The following TRPM3 variants were observed in gnomAD, a reference collection of about 807,000 sequenced individuals.
TRPM3 encodes transient receptor potential cation channel subfamily M member 3.
TRPM3 carries 77 observed loss-of-function variants against 181.2 expected under a neutral mutation model. The observed-to-expected ratio is 0.42, with a 90% CI of 0.35 to 0.51. The LOEUF (loss-of-function observed/expected upper bound fraction) is 0.51, where lower values mean the gene tolerates loss of function less well. Among genes scored for constraint, TRPM3 ranks in the 20% least tolerant of loss-of-function variants. The pLI is 0.01. For synonymous variants in TRPM3, 745 were observed against 796.4 expected (o/e 0.94, Z 1.09); for missense variants, 1,759 against 2,196.7 (o/e 0.80, Z 3.98).
chr9:71,370,948 T>A (rs948542437), intron 1 of TRPM3, among the ~76,000 whole-genome samples: 8 of 152,166 alleles, frequency 5.3e-5, no homozygotes, highest in African/African-American at 1.7e-4. Flanking sequence ...TTAAGAATTA[T>A]ACTAAATCTA....
At chr9:70,794,679 G>A (rs2086547531) in intron 6 of TRPM3, among the ~76,000 whole-genome samples, 1 of 152,092 alleles carries the variant, frequency 6.6e-6, no homozygotes, top group African/African-American at 2.4e-5. Context: ...TTTTCCCCAT[G>A]TGCCTGCTGG....
intron 6 of TRPM3, among the ~76,000 whole-genome samples, chr9:70,809,734 C>T (rs1224358172): frequency 1.3e-5 from 2 of 152,038 alleles, no homozygotes; most frequent in Non-Finnish European, 1.5e-5. Flanking sequence ...TATATGTAAC[C>T]TGTCCAGGGG....
chr9:71,423,285 TTAAA>T (rs1203562489), intron 1 of TRPM3, among the ~76,000 whole-genome samples: 1 of 152,126 alleles, frequency 6.6e-6, no homozygotes, highest in Non-Finnish European at 1.5e-5. Context: ...TAGAAATTCC[TTAAA>T]TAATTGTTTT....
chr9:71,121,550 A>G lies in TRPM3; in HGVS notation c.-196T>C. 1 of 1,383,442 alleles carries G rather than the reference A, an allele frequency of 7.2e-7. No individual in the cohort carries two copies. The highest frequency in any genetic ancestry group is 9.3e-7 in the Non-Finnish European group (1 of 1,071,416). The allele number at this position is 1,383,442 out of a possible 1,614,324, so 85.7% of individuals were successfully genotyped here. ...GCCTGCTGCTTCGGGGAGGGGATGC[A>G]CGATTTTGAAGAAGAGGGACAGCCT... On this transcript the variant is annotated 5_prime_UTR_variant, in exon 1 of 26. Coordinates refer to ENST00000677713, the MANE Select transcript of TRPM3 (RefSeq NM_001366145.2).
chr9:70,746,519 C>A (rs1217593312), intron 8 of TRPM3, among the ~76,000 whole-genome samples: 1 of 152,140 alleles, frequency 6.6e-6, no homozygotes, highest in Non-Finnish European at 1.5e-5. Flanking sequence ...CCTCTGCTGT[C>A]TTCTCCAGTG....
At chr9:70,930,092 T>G (rs1049977787) in intron 1 of TRPM3, among the ~76,000 whole-genome samples, 1 of 152,194 alleles carries the variant, frequency 6.6e-6, no homozygotes, top group Non-Finnish European at 1.5e-5. Context: ...GTTTTGAGCT[T>G]CTCACTCTTT....
chr9:70,545,379 A>G (rs146422574), intron 25 of TRPM3, among the ~76,000 whole-genome samples: 2 of 152,174 alleles, frequency 1.3e-5, no homozygotes, highest in African/African-American at 2.4e-5. Context: ...TTTAAAGTGC[A>G]TACTGAGAAA....
intron 1 of TRPM3, among the ~76,000 whole-genome samples, chr9:71,385,895 C>T (rs1400426980): frequency 6.6e-6 from 1 of 151,618 alleles, no homozygotes; most frequent in Non-Finnish European, 1.5e-5. Flanking sequence ...GGGGTAGAGG[C>T]AGGGTTTCAC....
At chr9:70,641,527 A>G (rs1049102220) in intron 9 of TRPM3, among the ~76,000 whole-genome samples, 1 of 152,068 alleles carries the variant, frequency 6.6e-6, no homozygotes, top group Non-Finnish European at 1.5e-5. Flanking sequence ...CATTGGAACT[A>G]TTTCCCAGGT....
intron 1 of TRPM3, among the ~76,000 whole-genome samples, chr9:71,210,858 T>C (rs997494158): frequency 9.9e-5 from 15 of 152,164 alleles, no homozygotes; most frequent in African/African-American, 3.6e-4. Context: ...TACTGCTTTA[T>C]AGAGGGACAT....
intron 1 of TRPM3, among the ~76,000 whole-genome samples, chr9:71,164,340 C>G (rs1160942751): frequency 6.6e-6 from 1 of 152,096 alleles, no homozygotes; most frequent in African/African-American, 2.4e-5. Flanking sequence ...TTGAATTGAC[C>G]AGTTTTCTCT....
chr9:70,892,610 C>CAA (rs5898170), intron 1 of TRPM3, among the ~76,000 whole-genome samples: 7,684 of 121,732 alleles, frequency 0.063, 317 homozygotes, highest in African/African-American at 0.11. Context: ...CGTTTGACCT[C>CAA]AAAAAAAAAA....
chr9:70,916,566 A>C (rs1489180593), intron 1 of TRPM3, among the ~76,000 whole-genome samples: 1 of 151,950 alleles, frequency 6.6e-6, no homozygotes, highest in Non-Finnish European at 1.5e-5. Flanking sequence ...TTATTTACTC[A>C]CTCATTTTTT....
chr9:70,895,980 C>T (rs2096273845), intron 1 of TRPM3, among the ~76,000 whole-genome samples: 1 of 152,006 alleles, frequency 6.6e-6, no homozygotes, highest in East Asian at 1.9e-4. Flanking sequence ...TTATAAAAAG[C>T]AATACTTGGA....
At chr9:70,830,206 T>C (rs1478007177) in intron 5 of TRPM3, among the ~76,000 whole-genome samples, 24 of 152,166 alleles carry the variant, frequency 1.6e-4, no homozygotes, top group Non-Finnish European at 2.9e-5. Flanking sequence ...CCTATGAACA[T>C]ATTTAAAGAC....
intron 1 of TRPM3, among the ~76,000 whole-genome samples, chr9:71,016,612 A>G (rs549254863): frequency 1.3e-5 from 2 of 152,280 alleles, no homozygotes; most frequent in African/African-American, 4.8e-5. Context: ...TTAAAGCTGA[A>G]TGATATGCCA....
chr9:71,432,092 T>C (rs994187100), intron 1 of TRPM3, among the ~76,000 whole-genome samples: 9 of 152,154 alleles, frequency 5.9e-5, no homozygotes, highest in Admixed American at 5.9e-4. Context: ...CATCCAGCCT[T>C]CTAGAGGTCT....
chr9:70,896,733 T>A (rs962510740), intron 1 of TRPM3, among the ~76,000 whole-genome samples: 10 of 151,758 alleles, frequency 6.6e-5, no homozygotes, highest in Middle Eastern at 3.2e-3. Context: ...TCATTGTATA[T>A]CACTCTTGGA....
At chr9:70,842,892 T>C in intron 5 of TRPM3, 111 bp downstream of exon 5, 2 of 1,070,014 alleles carry the variant, frequency 1.9e-6, no homozygotes, top group East Asian at 2.5e-5. Context: ...TTTTAGTGAG[T>C]AGAGACCCAA....
Sources: allele counts gnomAD v4.1 joint callset (sites outside exome capture counted in the v4.1 genomes callset), GRCh38; gene constraint gnomAD v4.1.1; transcripts MANE v1.5; gene names NCBI Gene and HGNC (gene_info 2026-07-23, HGNC 2026-07-21).